Variants in SETDB2 observed in about 807,000 individuals in gnomAD.
The protein encoded by SETDB2 is SET domain bifurcated histone lysine methyltransferase 2, also known as histone-lysine N-methyltransferase SETDB2.
In SETDB2, 56 loss-of-function variants were observed where a neutral mutation model predicts 82.5. The ratio of observed to expected loss-of-function variants is 0.68; its 90% CI spans 0.55 to 0.85. SETDB2 has a LOEUF of 0.85. Among genes scored for constraint, SETDB2 ranks in the 40% least tolerant of loss-of-function variants. The pLI, the probability that SETDB2 is intolerant of heterozygous loss-of-function variation, is 0.00. For synonymous variants in SETDB2, 272 were observed against 284.9 expected, an observed-to-expected ratio of 0.95 and a Z score of 0.46; for missense variants, 677 against 816.4, an observed-to-expected ratio of 0.83 and a Z score of 2.08.
At chr13:49,469,795 A>G (rs1329392495) in intron 5 of SETDB2, among the ~76,000 whole-genome samples, 2 of 152,096 alleles carry the variant, frequency 1.3e-5, no homozygotes, top group East Asian at 3.8e-4. Flanking sequence ...CCCTCTCTTT[A>G]ACTGTCACAG....
At chr13:49,448,068 G>T (rs151117539) in intron 1 of SETDB2, among the ~76,000 whole-genome samples, 148 of 152,108 alleles carry the variant, frequency 9.7e-4, no homozygotes, top group Admixed American at 2.0e-3. Context: ...CTTCAGAACA[G>T]GTTTGTGTTT....
At chr13:49,459,071 G>A (rs1184645621) in intron 2 of SETDB2, among the ~76,000 whole-genome samples, 1 of 152,178 alleles carries the variant, frequency 6.6e-6, no homozygotes, top group Non-Finnish European at 1.5e-5. Context: ...GGAATTAAAA[G>A]TAAGCTTAGT....
chr13:49,478,514 A>G (rs1365944963), intron 6 of SETDB2, among the ~76,000 whole-genome samples: 2 of 152,234 alleles, frequency 1.3e-5, no homozygotes, highest in South Asian at 2.1e-4. Flanking sequence ...ACAGCACACA[A>G]AGATGTTTAG....
intron 2 of SETDB2, among the ~76,000 whole-genome samples, chr13:49,455,334 G>T (rs916183283): frequency 2.0e-5 from 3 of 152,146 alleles, no homozygotes; most frequent in African/African-American, 4.8e-5. Context: ...GTTAGTTGGA[G>T]TGTGGAGTCT....
intron 2 of SETDB2, 106 bp from the exon 3 acceptor site, chr13:49,460,001 T>G: frequency 2.6e-6 from 3 of 1,170,936 alleles, no homozygotes; most frequent in South Asian, 1.6e-5. Context: ...ACCAGATGAG[T>G]CTTGATCTTG....
intron 10 of SETDB2, among the ~76,000 whole-genome samples, chr13:49,484,064 T>TC (rs1408317031): frequency 5.3e-5 from 8 of 152,344 alleles, no homozygotes; most frequent in Non-Finnish European, 1.0e-4. Flanking sequence ...TTCTGTTTAC[T>TC]TAGTATCATC....
At chr13:49,485,916 T>C (rs1310258622) in intron 11 of SETDB2, 193 bp downstream of exon 11, 23 of 706,290 alleles carry the variant, frequency 3.3e-5, no homozygotes, top group Non-Finnish European at 5.7e-5. Flanking sequence ...CTGTTCAGTA[T>C]GGCATGTGAG....
intron 11 of SETDB2, 45 bp downstream of exon 11, chr13:49,485,768 T>C (rs1566175236): frequency 1.4e-6 from 2 of 1,437,420 alleles, no homozygotes; most frequent in Non-Finnish European, 2.0e-6. Context: ...TCTGCCTGTT[T>C]CTCTGTCTCT....
chr13:49,461,135 A>G lies in SETDB2; in HGVS notation c.181A>G (p.Ile61Val), dbSNP rs769375085. ...QAMILVNEAT[I>V]INSSTSIKDP... ...AATGATTCTAGTGAATGAAGCAACTATAATTAACAGTTCAACATCAATAAA... is the reference window on the plus strand; with the variant it reads ...AATGATTCTAGTGAATGAAGCAACTGTAATTAACAGTTCAACATCAATAAA... Residue 61 changes from isoleucine (I) to valine (V), a missense_variant, in exon 4 of 14, where the codon ATA (isoleucine) becomes GTA (valine). This residue lies in a region of SETDB2 where 243 missense variants were observed against 237.2 expected (regional missense o/e 1.02). Transcript: ENST00000611815. The G allele has an allele frequency of 5.6e-6, 9 of 1,610,958 alleles. No homozygotes were observed. In the African/African-American group the frequency reaches 8.0e-5, roughly 14 times the overall value.
intron 4 of SETDB2, among the ~76,000 whole-genome samples, chr13:49,467,120 A>G (rs192561924): frequency 4.9e-4 from 74 of 152,200 alleles, no homozygotes; most frequent in Non-Finnish European, 7.9e-4. Flanking sequence ...ATACTGGGCC[A>G]GGCATGGTGG....
At chr13:49,473,223 C>T (rs1958285357) in intron 5 of SETDB2, among the ~76,000 whole-genome samples, 1 of 152,002 alleles carries the variant, frequency 6.6e-6, no homozygotes, top group African/African-American at 2.4e-5. Flanking sequence ...TTAATGTTCC[C>T]CTTCCTCCAA....
At chr13:49,445,598 A>C (rs760065819) in intron 1 of SETDB2, 1 of 152,128 alleles carries the variant, frequency 6.6e-6, no homozygotes, top group Non-Finnish European at 1.5e-5. Context: ...TCAGTTTTCA[A>C]ATTTTCAGGT....
intron 4 of SETDB2, among the ~76,000 whole-genome samples, chr13:49,461,738 CACT>C: frequency 6.6e-6 from 1 of 152,280 alleles, no homozygotes; most frequent in South Asian, 2.1e-4. Flanking sequence ...TCAGTTCTGA[CACT>C]ACTACCCAGA....
At chr13:49,457,939 C>G (rs1197329603) in intron 2 of SETDB2, among the ~76,000 whole-genome samples, 1 of 152,118 alleles carries the variant, frequency 6.6e-6, no homozygotes, top group African/African-American at 2.4e-5. Context: ...AGATAAATCC[C>G]TAGTAAGAGG....
chr13:49,455,840 T>C (rs7338755), intron 2 of SETDB2, among the ~76,000 whole-genome samples: 112,254 of 151,780 alleles, frequency 0.74, 41,948 homozygotes, highest in African/African-American at 0.84. Flanking sequence ...TAGTATTTTT[T>C]CTTGAGACAG....
chr13:49,492,991 C>G lies in SETDB2; in HGVS notation c.*1142C>G, dbSNP rs1958741976. 1 of 151,602 alleles carries G rather than the reference C, an allele frequency of 6.6e-6. No homozygotes were observed. The highest frequency in any genetic ancestry group is 2.1e-4 in the South Asian group (1 of 4,806). The allele number at this position is 151,602 out of a possible 1,614,324, so 9.4% of individuals were successfully genotyped here. A position where few individuals can be genotyped will look rare whatever the true frequency, so the allele number is the denominator to read the frequency against. On this transcript the variant is annotated 3_prime_UTR_variant, in exon 14 of 14. Coordinates refer to ENST00000611815, the MANE Select transcript of SETDB2 (RefSeq NM_001160308.3). ...CAGCACACACACACACACACGAAAA[C>G]AATTCTGAACTATGAAATCTGAAAC...
intron 2 of SETDB2, among the ~76,000 whole-genome samples, chr13:49,456,797 T>G (rs1957890436): frequency 6.6e-6 from 1 of 152,200 alleles, no homozygotes; most frequent in African/African-American, 2.4e-5. Flanking sequence ...GTTAACTGGA[T>G]CTATTAGTTT....
intron 4 of SETDB2, among the ~76,000 whole-genome samples, chr13:49,462,686 T>C (rs2138866645): frequency 6.6e-6 from 1 of 152,344 alleles, no homozygotes; most frequent in East Asian, 1.9e-4. Flanking sequence ...TGCTGTTAGA[T>C]GTTGTCAATA....
intron 4 of SETDB2, among the ~76,000 whole-genome samples, chr13:49,461,589 A>G (rs1247451095): frequency 6.6e-6 from 1 of 152,262 alleles, no homozygotes; most frequent in Admixed American, 6.5e-5. Flanking sequence ...AAATCAGCTT[A>G]GAAGGATCAA....
Sources: allele counts gnomAD v4.1 joint callset (sites outside exome capture counted in the v4.1 genomes callset), GRCh38; gene constraint gnomAD v4.1.1; regional missense constraint gnomAD v4.1.1; transcripts MANE v1.5; gene names NCBI Gene and HGNC (gene_info 2026-07-23, HGNC 2026-07-21).